Variants in IFTAP observed in about 807,000 individuals in gnomAD.
The protein encoded by IFTAP is intraflagellar transport associated protein.
A neutral mutation model predicts 19.4 loss-of-function variants in IFTAP; 19 were observed. The observed-to-expected ratio is 0.98, with a 90% confidence interval of 0.68 to 1.44. The LOEUF is 1.44. IFTAP is among the 40% of genes most tolerant of loss of function. The probability of loss-of-function intolerance (pLI) is 0.00; values close to 1 mark genes in which losing one functional copy is unlikely to be tolerated. For missense variants in IFTAP, 240 were observed against 253.6 expected (o/e 0.95, Z 0.36); for synonymous variants, 85 against 83.5 (o/e 1.02, Z -0.10).
chr11:36,644,134 A>T (rs1480789609), intron 4 of IFTAP, among the ~76,000 whole-genome samples: 3 of 152,202 alleles, frequency 2.0e-5, no homozygotes, highest in Admixed American at 2.0e-4. Context: ...TCTATAAATA[A>T]CTCAAACAAG....
intron 2 of IFTAP, 59 bp downstream of exon 2, chr11:36,610,298 T>C: frequency 6.8e-7 from 1 of 1,460,842 alleles, no homozygotes; most frequent in South Asian, 1.3e-5. Flanking sequence ...ATTATAAGTG[T>C]ATGTTTTTGC....
At chr11:36,639,674 G>A (rs7123148) in intron 4 of IFTAP, among the ~76,000 whole-genome samples, 6,341 of 152,140 alleles carry the variant, frequency 0.042, 189 homozygotes, top group Non-Finnish European at 0.063. Context: ...AGAACTCAGC[G>A]AAAACTCACT....
intron 2 of IFTAP, 146 bp downstream of exon 2, chr11:36,610,385 C>G: frequency 1.4e-6 from 1 of 713,054 alleles, no homozygotes; most frequent in Non-Finnish European, 2.2e-6. Context: ...GCACTCGTGA[C>G]TGATGCCCTA....
At chr11:36,645,147 G>T (rs1406806718) in intron 4 of IFTAP, among the ~76,000 whole-genome samples, 1 of 152,024 alleles carries the variant, frequency 6.6e-6, no homozygotes, top group African/African-American at 2.4e-5. Context: ...TTATAAATAT[G>T]CCAGGCAGAT....
intron 4 of IFTAP, among the ~76,000 whole-genome samples, chr11:36,636,737 C>A (rs1852968230): frequency 6.6e-6 from 1 of 151,730 alleles, no homozygotes; most frequent in East Asian, 1.9e-4. Context: ...ACCCTTAATA[C>A]TAAAGATATA....
chr11:36,613,868 G>A (rs994225788), intron 2 of IFTAP, among the ~76,000 whole-genome samples: 3 of 150,716 alleles, frequency 2.0e-5, no homozygotes, highest in African/African-American at 7.3e-5. Flanking sequence ...ATGTAGCCTT[G>A]TTTTAGTAAA....
At chr11:36,636,403 T>G (rs528747514) in intron 4 of IFTAP, among the ~76,000 whole-genome samples, 1 of 152,326 alleles carries the variant, frequency 6.6e-6, no homozygotes, top group South Asian at 2.1e-4. Flanking sequence ...GTGGAGCCAT[T>G]GTAAGTCAAC....
At chr11:36,609,881 A>C (rs1054328640) in intron 1 of IFTAP, among the ~76,000 whole-genome samples, 200 bp from the exon 2 acceptor site, 2 of 152,124 alleles carry the variant, frequency 1.3e-5, no homozygotes, top group Non-Finnish European at 2.9e-5. Context: ...CTGAAGCAAA[A>C]AATAAAATTG....
intron 1 of IFTAP, among the ~76,000 whole-genome samples, chr11:36,604,658 G>A (rs920982875): frequency 5.3e-5 from 8 of 152,152 alleles, no homozygotes; most frequent in African/African-American, 1.9e-4. Flanking sequence ...TAAGATTGCT[G>A]CTTTGTGCTT....
chr11:36,655,328 T>C (rs1303595875), intron 5 of IFTAP, among the ~76,000 whole-genome samples: 3 of 152,218 alleles, frequency 2.0e-5, no homozygotes, highest in African/African-American at 7.2e-5. Context: ...AGATATCACC[T>C]GTTCCAAGAC....
At chr11:36,624,003 A>G (rs1020927981) in intron 2 of IFTAP, among the ~76,000 whole-genome samples, 4 of 150,242 alleles carry the variant, frequency 2.7e-5, no homozygotes, top group African/African-American at 1.0e-4. Context: ...GTGTATATAT[A>G]TATTTTTTTC....
intron 2 of IFTAP, among the ~76,000 whole-genome samples, chr11:36,612,136 G>T (rs1342513566): frequency 6.6e-6 from 1 of 151,908 alleles, no homozygotes; most frequent in African/African-American, 2.4e-5. Flanking sequence ...TTCTGTTTTC[G>T]AATTCCAGTA....
intron 2 of IFTAP, among the ~76,000 whole-genome samples, chr11:36,626,423 TC>T (rs1467582457): frequency 6.6e-6 from 1 of 151,440 alleles, no homozygotes; most frequent in Non-Finnish European, 1.5e-5. Flanking sequence ...TTTTCTTAAC[TC>T]TTTTTCCAGC....
intron 2 of IFTAP, among the ~76,000 whole-genome samples, chr11:36,633,011 G>A (rs1852786521): frequency 6.6e-6 from 1 of 151,106 alleles, no homozygotes; most frequent in Non-Finnish European, 1.5e-5. Context: ...CACAAATACT[G>A]TATTTTATTA....
chr11:36,599,889 G>A (rs1851441488), intron 1 of IFTAP, among the ~76,000 whole-genome samples: 1 of 152,148 alleles, frequency 6.6e-6, no homozygotes, highest in Non-Finnish European at 1.5e-5. Flanking sequence ...TGATATATTG[G>A]ATGTCTTCAC....
In IFTAP at chr11:36,610,258, CTT is replaced by C; in HGVS notation, c.136+21_136+22del. On this transcript the variant is annotated intron_variant, in intron 2 of 5. Coordinates refer to ENST00000334307, the MANE Select transcript of IFTAP (RefSeq NM_138787.4). ...TCACAAGGTAAAATGGAGAAGTAAACTTTCTGCAGCAATGGAGATAAATAATT... is the reference window on the plus strand; with the variant it reads ...TCACAAGGTAAAATGGAGAAGTAAACTCTGCAGCAATGGAGATAAATAATT... 6.3e-7 allele frequency: 1 copy of C among 1,579,270 alleles called. No homozygotes were observed. Among genetic ancestry groups the C allele is most frequent in the Non-Finnish European group, 8.6e-7 (1 of 1,156,250 alleles).
At chr11:36,650,495 A>G (rs919803223) in intron 5 of IFTAP, among the ~76,000 whole-genome samples, 13 of 149,540 alleles carry the variant, frequency 8.7e-5, no homozygotes, top group African/African-American at 3.2e-4. Flanking sequence ...CACTTCAAAC[A>G]TTTAACATTT....
At position 36,648,811 on chromosome 11, in the gene IFTAP, C is replaced by T. The variant is rs58046117; in HGVS notation, c.498+656C>T. The stretch of plus-strand genomic sequence containing the variant: ...GCTTAGGACTCAGGGTCCTTAATGT[C>T]GGCTCACATTCCATTGGTGACCACT... On this transcript the variant is annotated intron_variant, in intron 5 of 5. Transcript: ENST00000334307. Among the ~76,000 whole-genome samples, 964 of 152,202 alleles carry T rather than the reference C, an allele frequency of 6.3e-3. 11 individuals carry two copies. Among genetic ancestry groups the T allele is most frequent in the African/African-American group, 0.022 (923 of 41,532 alleles).
chr11:36,622,403 T>C (rs1281186475), intron 2 of IFTAP, among the ~76,000 whole-genome samples: 1 of 152,106 alleles, frequency 6.6e-6, no homozygotes, highest in Non-Finnish European at 1.5e-5. Context: ...GATCTTACGG[T>C]GAAGGAAAAT....
Sources: gnomAD v4.1 joint callset for allele counts (sites outside exome capture counted in the v4.1 genomes callset) on GRCh38, gnomAD v4.1.1 for gene constraint, MANE v1.5 for transcripts, NCBI Gene and HGNC (gene_info 2026-07-23, HGNC 2026-07-21) for gene names.